CGN: variants seen among roughly 807,000 people sequenced by gnomAD.
The protein encoded by CGN is cingulin.
Under a neutral mutation model 157.1 loss-of-function variants are expected in CGN, and 121 were observed. That is an observed-to-expected ratio of 0.77 (90% confidence interval 0.66 to 0.90). The LOEUF (loss-of-function observed/expected upper bound fraction) is 0.90. Ranked by LOEUF, CGN falls within the 40% of genes least tolerant of loss-of-function variation. The pLI is 0.00. For synonymous variants in CGN, 535 were observed against 607.5 expected (o/e 0.88, Z 1.76); for missense variants, 1,424 against 1,520.9 (o/e 0.94, Z 1.06).
intron 8 of CGN, 26 bp from the exon 9 acceptor site, chr1:151,525,616 T>C: frequency 6.5e-7 from 1 of 1,539,024 alleles, no homozygotes; most frequent in Non-Finnish European, 8.7e-7. Flanking sequence ...CTGAGCCTTC[T>C]GGTGTCCAAC....
rs895969521 is a variant in CGN, at chr1:151,538,137, G to A, written c.*791G>A. 1 of 152,848 alleles carries A rather than the reference G, an allele frequency of 6.5e-6. No homozygotes were observed. Among genetic ancestry groups the A allele is most frequent in the African/African-American group, 2.4e-5 (1 of 41,436 alleles). The allele number at this position is 152,848 out of a possible 1,614,324, so 9.5% of individuals were successfully genotyped here. ...GGGAGAGGGACTTTGGTAGGGTCAT[G>A]ATAAAGTGGCGGGGGTCTGGTCCTG... On this transcript the variant is annotated 3_prime_UTR_variant, in exon 21 of 21. Transcript: ENST00000271636.
At position 151,525,663 on chromosome 1, in the gene CGN, G is replaced by A. The variant is rs148637517; in HGVS notation, c.1636G>A (p.Glu546Lys). The change falls in exon 9 of 21, where the codon GAG becomes AAG. Residue 546 changes from glutamate to lysine, a missense_variant. Glu to Lys is a moderately conservative substitution (Grantham distance 56, BLOSUM62 1). Transcript: ENST00000271636. Reference protein sequence around the residue: ...ATQDHAVLEAERQKMSALVRG... With the variant: ...ATQDHAVLEAKRQKMSALVRG... ...CTAGGACCATGCAGTGCTGGAGGCC[G>A]AGAGGCAGAAGATGTCAGCCCTTGT... is the stretch of plus-strand genomic sequence containing the variant. 86 of 1,606,918 alleles carry A rather than the reference G, an allele frequency of 5.4e-5. No individual in the cohort carries two copies. Among genetic ancestry groups the A allele is most frequent in the Non-Finnish European group, 7.1e-5 (83 of 1,176,636 alleles).
intron 1 of CGN, among the ~76,000 whole-genome samples, chr1:151,513,180 C>T (rs910993392): frequency 1.3e-5 from 2 of 152,210 alleles, no homozygotes; most frequent in African/African-American, 4.8e-5. Context: ...TGTGGTCTTG[C>T]CCCTCTGCCT....
Position 151,527,050 on chromosome 1 carries a change from A to G in CGN, c.1839A>G (p.Glu613=). 1 of 1,614,186 alleles carries G rather than the reference A, an allele frequency of 6.2e-7. No homozygotes were observed. The highest frequency in any genetic ancestry group is 8.5e-7 in the Non-Finnish European group (1 of 1,180,042). ...LGEKIEVLQR[E]LEQARASAGD... ...AGAAGATAGAGGTCTTGCAGAGGGA[A>G]TTAGAGCAGGCCCGAGCTAGTGCTG... The change falls in exon 10 of 21, where the codon GAA becomes GAG. Residue 613 remains glutamate, a synonymous_variant. Transcript: ENST00000271636.
rs1557992280 is a variant in CGN at position 151,530,704 on chromosome 1, G to A, written c.2529G>A (p.Gln843=). 1 of 1,555,256 alleles carries A rather than the reference G, an allele frequency of 6.4e-7. No homozygotes were observed. The highest frequency in any genetic ancestry group is 1.2e-5 in the South Asian group (1 of 84,590). ...GAGGCAAGGCTGAGCTGGAGGAGCA[G>A]AAGCGTTTGCTGGACAGGACTGTGG... ...LRRGKAELEE[Q]KRLLDRTVDR... Residue 843 remains glutamine (Q), a synonymous_variant, in exon 13 of 21, where the codon CAG becomes CAA. Transcript: ENST00000271636.
upstream of CGN, chr1:151,510,886 T>A (rs2102482484): frequency 6.6e-6 from 1 of 152,360 alleles, no homozygotes; most frequent in East Asian, 1.9e-4. Flanking sequence ...ATCAGGGTTC[T>A]GGTTCGGGTC....
At position 151,525,684 on chromosome 1, in the gene CGN, C is replaced by T. The variant is rs764261080; in HGVS notation, c.1657C>T (p.Leu553Phe). Residue 553 changes from leucine (L) to phenylalanine (F), a missense_variant, in exon 9 of 21, where the codon CTT becomes TTT. Physicochemically the swap from Leu to Phe is conservative, Grantham distance 22. Coordinates refer to ENST00000271636, the MANE Select transcript of CGN (RefSeq NM_020770.3). ...LEAERQKMSA[L>F]VRGLQRELEE... The stretch of plus-strand genomic sequence containing the variant: ...GGCCGAGAGGCAGAAGATGTCAGCC[C>T]TTGTGCGAGGGCTGCAGAGGGAGCT... 5 of 1,611,284 alleles carry T rather than the reference C, an allele frequency of 3.1e-6. No homozygotes were observed. Among genetic ancestry groups the T allele is most frequent in the Non-Finnish European group, 4.2e-6 (5 of 1,178,620 alleles).
rs1664980640 is a variant in CGN, at chr1:151,536,867, G to A, written c.3444G>A (p.Arg1148=). The change falls in exon 20 of 21, where the codon CGG becomes CGA. Residue 1148 remains arginine (R), a synonymous_variant. Transcript: ENST00000271636. ...AGGTCAATGAACAGCTCCAGGCCCGGATCAAGTCTCTGGAGAAGGACTCCT... is the reference window on the plus strand; with the variant it reads ...AGGTCAATGAACAGCTCCAGGCCCGAATCAAGTCTCTGGAGAAGGACTCCT... ...QHEVNEQLQA[R]IKSLEKDSWR... The A allele has an allele frequency of 1.2e-6, 2 of 1,613,994 alleles. No homozygotes were observed. Among genetic ancestry groups the A allele is most frequent in the African/African-American group, 2.7e-5 (2 of 74,906 alleles).
intron 9 of CGN, among the ~76,000 whole-genome samples, chr1:151,526,408 T>G (rs543877048): frequency 3.2e-4 from 49 of 151,236 alleles, no homozygotes; most frequent in African/African-American, 1.1e-3. Flanking sequence ...AACTCCTGAC[T>G]TCGTGATCCT....
intron 16 of CGN, 32 bp from the exon 17 acceptor site, chr1:151,535,568 C>T: frequency 6.4e-7 from 1 of 1,569,108 alleles, no homozygotes; most frequent in East Asian, 2.2e-5. Context: ...TTAGCCCTCC[C>T]CAAGTCTGGT....
Position 151,534,030 on chromosome 1 carries a change from G to A in CGN, c.2798G>A (p.Arg933Gln), listed in dbSNP as rs370928424. 9.4e-5 allele frequency: 152 copies of A among 1,613,464 alleles called. No individual in the cohort carries two copies. The East Asian group carries it at 2.5e-3, about 26-fold the overall frequency. Reference protein sequence around the residue: ...QASQAERDTARLDKELLAQRL... With the variant: ...QASQAERDTAQLDKELLAQRL... ...TCCCAGGCTGAGCGGGACACAGCCC[G>A]GCTGGACAAAGAGCTACTGGCCCAG... Residue 933 changes from arginine to glutamine, a missense_variant, in exon 15 of 21, where the codon CGG (arginine) becomes CAG (glutamine). Around this residue, in one of 3 missense-constraint regions of CGN, gnomAD observed 1,187 missense variants for 1,217.6 expected, o/e 0.97. Coordinates refer to ENST00000271636, the MANE Select transcript of CGN (RefSeq NM_020770.3).
Position 151,535,123 on chromosome 1 carries a change from C to T in CGN, c.2986C>T (p.Arg996Trp), listed in dbSNP as rs144668349. 1.5e-5 allele frequency: 25 copies of T among 1,613,260 alleles called. No homozygotes were observed. Among genetic ancestry groups the T allele is most frequent in the East Asian group, 4.5e-5 (2 of 44,882 alleles). ...GCTAACAGATCGGGTGAATCGTGGCCGGGACCAGGTAACCGCCCCCACCCC... is the reference window on the plus strand; with the variant it reads ...GCTAACAGATCGGGTGAATCGTGGCTGGGACCAGGTAACCGCCCCCACCCC... ...ELLTDRVNRG[R>W]DQVDQLRTEL... Residue 996 changes from arginine (R) to tryptophan (W), a missense_variant, in exon 16 of 21, where the codon CGG becomes TGG. Physicochemically the swap from Arg to Trp is moderately radical, Grantham distance 101. Coordinates refer to ENST00000271636, the MANE Select transcript of CGN (RefSeq NM_020770.3).
intron 1 of CGN, among the ~76,000 whole-genome samples, chr1:151,513,010 G>A (rs918012522): frequency 6.6e-6 from 1 of 152,168 alleles, no homozygotes; most frequent in Non-Finnish European, 1.5e-5. Context: ...GCAACTTTGG[G>A]AACCTCAAAG....
rs1664302001 is a variant in CGN at position 151,511,775 on chromosome 1, A to G, written c.-15+260A>G. The stretch of plus-strand genomic sequence containing the variant: ...GCGAAGGCTGTTCCCAGCGCATGAA[A>G]GCGTTTCAGCGCCAGATGTCTCTGG... On this transcript the variant is annotated intron_variant, in intron 1 of 20. Coordinates refer to ENST00000271636, the MANE Select transcript of CGN (RefSeq NM_020770.3). This position sits in a 1 kb window ranked among gnomAD's most constrained non-coding sequence, Gnocchi z 4.8. 6.6e-6 allele frequency among the ~76,000 whole-genome samples: 1 copy of G among 152,150 alleles called. No individual in the cohort carries two copies. Among genetic ancestry groups the G allele is most frequent in the Non-Finnish European group, 1.5e-5 (1 of 68,012 alleles).
At position 151,525,805 on chromosome 1, in the gene CGN, C is replaced by T; in HGVS notation, c.1763+15C>T. 1 of 1,510,518 alleles carries T rather than the reference C, an allele frequency of 6.6e-7. No homozygotes were observed. The highest frequency in any genetic ancestry group is 8.9e-7 in the Non-Finnish European group (1 of 1,128,634). The allele number at this position is 1,510,518 out of a possible 1,614,324, so 93.6% of individuals were successfully genotyped here. A position where few individuals can be genotyped will look rare whatever the true frequency, so the allele number is the denominator to read the frequency against. Reference sequence around the variant, plus strand: ...ACCAAGCAGGAGTAAGGACATTGGCCCTCTCAGAAATACCCATGATTCATA... The same window carrying T: ...ACCAAGCAGGAGTAAGGACATTGGCTCTCTCAGAAATACCCATGATTCATA... On this transcript the variant is annotated intron_variant, in intron 9 of 20. Transcript: ENST00000271636.
chr1:151,513,536 C>T (rs899561742), intron 1 of CGN, among the ~76,000 whole-genome samples: 20 of 152,234 alleles, frequency 1.3e-4, no homozygotes, highest in African/African-American at 4.8e-4. Context: ...GGATTCTAAT[C>T]TCTATACCTC....
chr1:151,537,385 C>T lies in CGN; in HGVS notation c.*39C>T, dbSNP rs768915923. 1.9e-6 allele frequency: 3 copies of T among 1,594,730 alleles called. No individual in the cohort carries two copies. In the Admixed American group the frequency reaches 5.1e-5, roughly 27 times the overall value. On this transcript the variant is annotated 3_prime_UTR_variant, in exon 21 of 21. Transcript: ENST00000271636. ...AGGACTCAGAAACCAGGCTCGAGGCCTATCCCAGCAAGTGCTGCTCTGCTC... is the reference window on the plus strand; with the variant it reads ...AGGACTCAGAAACCAGGCTCGAGGCTTATCCCAGCAAGTGCTGCTCTGCTC...
chr1:151,523,067 C>G (rs1324918691), intron 5 of CGN, among the ~76,000 whole-genome samples: 1 of 151,928 alleles, frequency 6.6e-6, no homozygotes, highest in Non-Finnish European at 1.5e-5. Context: ...TATTTTTTTC[C>G]CAGAGTGAGG....
intron 15 of CGN, chr1:151,534,737 C>T: frequency 6.0e-6 from 2 of 331,988 alleles, no homozygotes; most frequent in South Asian, 6.5e-5. Context: ...GGCCCAGGTA[C>T]TTGGGTTTCT....
Sources: gnomAD v4.1 joint callset for allele counts (sites outside exome capture counted in the v4.1 genomes callset) on GRCh38, gnomAD v4.1.1 for gene constraint, gnomAD v4.1.1 regional missense constraint, Gnocchi (gnomAD v3.1) non-coding constraint, MANE v1.5 for transcripts, NCBI Gene and HGNC (gene_info 2026-07-23, HGNC 2026-07-21) for gene names.